The following ANKS1B variants were observed in gnomAD, a reference collection of about 807,000 sequenced individuals.
The protein encoded by ANKS1B is ankyrin repeat and sterile alpha motif domain containing 1B, also known as ankyrin repeat and sterile alpha motif domain-containing protein 1B.
ANKS1B carries 36 observed loss-of-function variants against 148.3 expected under a neutral mutation model. The observed-to-expected ratio is 0.24, with a 90% CI of 0.19 to 0.32. The LOEUF is 0.32. ANKS1B is among the 10% of genes least tolerant of loss of function. The pLI, the probability that ANKS1B is intolerant of heterozygous loss-of-function variation, is 1.00. For missense variants in ANKS1B, 1,157 were observed against 1,542.6 expected, an observed-to-expected ratio of 0.75 and a Z score of 4.19; for synonymous variants, 542 against 560.8, an observed-to-expected ratio of 0.97 and a Z score of 0.47.
chr12:98,941,366 A>T (rs1362465026), intron 17 of ANKS1B, among the ~76,000 whole-genome samples: 2 of 152,200 alleles, frequency 1.3e-5, no homozygotes, highest in Admixed American at 6.6e-5. Context: ...CAAAAAGCAT[A>T]TAAATATGAA....
chr12:99,733,936 G>A (rs576830471), intron 8 of ANKS1B, among the ~76,000 whole-genome samples: 9 of 152,270 alleles, frequency 5.9e-5, no homozygotes, highest in African/African-American at 1.9e-4. Flanking sequence ...TCCATTACAA[G>A]GTTAGCTGAT....
At chr12:99,248,710 C>T (rs1300930819) in intron 12 of ANKS1B, among the ~76,000 whole-genome samples, 2 of 152,162 alleles carry the variant, frequency 1.3e-5, no homozygotes, top group Non-Finnish European at 2.9e-5. Context: ...AACACTTAGA[C>T]AACTTAAGAC....
chr12:99,211,273 T>TCATCACCAA (rs1303955728), intron 14 of ANKS1B, among the ~76,000 whole-genome samples: 1 of 152,160 alleles, frequency 6.6e-6, no homozygotes, highest in Non-Finnish European at 1.5e-5. Flanking sequence ...CATGCTAAGG[T>TCATCACCAA]GCCACATCAC....
chr12:98,772,404 C>A (rs532506861), intron 25 of ANKS1B, among the ~76,000 whole-genome samples: 1 of 152,112 alleles, frequency 6.6e-6, no homozygotes, highest in African/African-American at 2.4e-5. Context: ...TCAGTTCTCA[C>A]GCTGCTAATA....
chr12:99,042,733 A>G (rs1218522672), intron 17 of ANKS1B, among the ~76,000 whole-genome samples: 1 of 152,192 alleles, frequency 6.6e-6, no homozygotes, highest in Non-Finnish European at 1.5e-5. Context: ...AATCCTGACA[A>G]CAATATCTAG....
chr12:98,832,466 T>C (rs1343885994), intron 17 of ANKS1B, among the ~76,000 whole-genome samples: 1 of 152,080 alleles, frequency 6.6e-6, no homozygotes, highest in Non-Finnish European at 1.5e-5. Flanking sequence ...AATCTGAGTC[T>C]GGACTCAGGC....
chr12:99,907,231 T>C (rs141156887), intron 1 of ANKS1B, among the ~76,000 whole-genome samples: 13 of 152,268 alleles, frequency 8.5e-5, no homozygotes, highest in African/African-American at 1.9e-4. Context: ...GCACCATCAG[T>C]TCTGTGTTTA....
At chr12:99,499,335 C>T (rs887416516) in intron 10 of ANKS1B, among the ~76,000 whole-genome samples, 1 of 152,136 alleles carries the variant, frequency 6.6e-6, no homozygotes, top group East Asian at 1.9e-4. Context: ...TTCTTCTATA[C>T]TAAACCCAAG....
chr12:99,082,676 C>G (rs999939302), intron 16 of ANKS1B, among the ~76,000 whole-genome samples: 13 of 152,100 alleles, frequency 8.5e-5, no homozygotes, highest in African/African-American at 3.1e-4. Flanking sequence ...GACTGGAATG[C>G]ACTGTGGTAG....
At chr12:99,732,759 G>T (rs2059285228) in intron 8 of ANKS1B, among the ~76,000 whole-genome samples, 1 of 152,006 alleles carries the variant, frequency 6.6e-6, no homozygotes, top group African/African-American at 2.4e-5. Flanking sequence ...TTTTAAAAAG[G>T]TCAATAGAAG....
At chr12:99,037,158 C>T (rs556951811) in intron 17 of ANKS1B, among the ~76,000 whole-genome samples, 38 of 152,296 alleles carry the variant, frequency 2.5e-4, no homozygotes, top group Admixed American at 2.4e-3. Context: ...TACCAAAGAG[C>T]TGTCCACTTG....
rs116709981 is a variant in ANKS1B at position 99,380,085 on chromosome 12, C to G, written c.1756+19546G>C. ...CTCATCGGCATTGATATGACCTTGT[C>G]TGATTTAGTTGAACCAAGGGCATTT... On this transcript the variant is annotated intron_variant, in intron 12 of 26. Coordinates refer to ENST00000683438, the MANE Select transcript of ANKS1B (RefSeq NM_001352186.2). Among the ~76,000 whole-genome samples, 431 of 152,302 alleles carry G rather than the reference C, an allele frequency of 2.8e-3. 5 individuals carry two copies. The highest frequency in any genetic ancestry group is 9.4e-3 in the African/African-American group (389 of 41,570).
rs1242135847 is a variant in ANKS1B at position 98,745,652 on chromosome 12, G to T, written c.*87C>A. On this transcript the variant is annotated 3_prime_UTR_variant, in exon 27 of 27. Coordinates refer to ENST00000683438, the MANE Select transcript of ANKS1B (RefSeq NM_001352186.2). Reference sequence around the variant, plus strand: ...ACGCTCAGAGCAGTCTTCCTCCTGGGCTGGGTGGACGCGGAGGCGCGAAGG... The same window carrying T: ...ACGCTCAGAGCAGTCTTCCTCCTGGTCTGGGTGGACGCGGAGGCGCGAAGG... 4 of 1,555,482 alleles carry T rather than the reference G, an allele frequency of 2.6e-6. No individual in the cohort carries two copies. The African/African-American group carries it at 5.5e-5, about 21-fold the overall frequency.
intron 15 of ANKS1B, among the ~76,000 whole-genome samples, chr12:99,104,146 T>C (rs781445024): frequency 1.3e-5 from 2 of 152,152 alleles, no homozygotes; most frequent in Non-Finnish European, 2.9e-5. Flanking sequence ...TTGAAAAGAA[T>C]GAGATTGAGG....
intron 8 of ANKS1B, among the ~76,000 whole-genome samples, chr12:99,668,356 T>C (rs1651397639): frequency 6.6e-6 from 1 of 152,074 alleles, no homozygotes; most frequent in Admixed American, 6.6e-5. Flanking sequence ...GCTGTTTATA[T>C]TCTATTTTAC....
intron 9 of ANKS1B, chr12:99,649,180 C>T (rs2098401736): frequency 3.4e-6 from 3 of 882,492 alleles, no homozygotes; most frequent in Non-Finnish European, 5.6e-6. Context: ...GGTGGCAACA[C>T]AACATGTTTG....
intron 9 of ANKS1B, among the ~76,000 whole-genome samples, chr12:99,522,511 C>T (rs536700303): frequency 1.5e-3 from 235 of 152,086 alleles, no homozygotes; most frequent in African/African-American, 5.4e-3. Context: ...ATATAATAAG[C>T]GTTCATACGT....
intron 9 of ANKS1B, among the ~76,000 whole-genome samples, chr12:99,602,375 TC>T (rs1349270490): frequency 6.6e-6 from 1 of 152,088 alleles, no homozygotes; most frequent in East Asian, 1.9e-4. Flanking sequence ...CCAAACTTAG[TC>T]CTCCATATGG....
Position 99,959,806 on chromosome 12 carries a change from G to C in ANKS1B, c.134+24298C>G, listed in dbSNP as rs570074010. Among the ~76,000 whole-genome samples the C allele has an allele frequency of 8.5e-5, 13 of 152,232 alleles. No individual in the cohort carries two copies. The South Asian group carries it at 2.7e-3, about 32-fold the overall frequency. ...TTAAGAAATTTCTAAAACCCCAAGA[G>C]CAATATACCTCACCCAGAGAATCTA... is the stretch of plus-strand genomic sequence containing the variant. On this transcript the variant is annotated intron_variant, in intron 1 of 26. Coordinates refer to ENST00000683438, the MANE Select transcript of ANKS1B (RefSeq NM_001352186.2).
Sources: gnomAD v4.1 joint callset for allele counts (sites outside exome capture counted in the v4.1 genomes callset) on GRCh38, gnomAD v4.1.1 for gene constraint, MANE v1.5 for transcripts, NCBI Gene and HGNC (gene_info 2026-07-23, HGNC 2026-07-21) for gene names.